MAP9: variants seen among roughly 807,000 people sequenced by gnomAD.
The protein encoded by MAP9 is microtubule-associated protein 9.
MAP9 carries 80 observed loss-of-function variants against 75.2 expected under a neutral mutation model. The ratio of observed to expected loss-of-function variants is 1.06; its 90% CI spans 0.89 to 1.28. MAP9 has a LOEUF of 1.28. Among genes scored for constraint, MAP9 ranks in the 50% most tolerant of loss-of-function variants. The pLI is 0.00. For synonymous variants in MAP9, 235 were observed against 237.3 expected, an observed-to-expected ratio of 0.99 and a Z score of 0.09; for missense variants, 753 against 719.9, an observed-to-expected ratio of 1.05 and a Z score of -0.53.
intron 7 of MAP9, among the ~76,000 whole-genome samples, chr4:155,357,958 G>A (rs757338342): frequency 2.6e-5 from 4 of 152,190 alleles, no homozygotes; most frequent in Non-Finnish European, 4.4e-5. Context: ...GGTGAATGGA[G>A]CTGAAGCATA....
chr4:155,365,334 G>A (rs974802931), intron 5 of MAP9, among the ~76,000 whole-genome samples: 1 of 152,104 alleles, frequency 6.6e-6, no homozygotes, highest in East Asian at 1.9e-4. Context: ...AATAATAAAT[G>A]TGTATGTGCC....
rs1731160427 is a variant in MAP9 at position 155,342,778 on chromosome 4, C to G, written c.*5005G>C. Reference sequence around the variant, plus strand: ...GCAAGGTTAATCCTGTATGTGAAAACCTCTGAGTGACTATCTCAAAGTGTA... The same window carrying G: ...GCAAGGTTAATCCTGTATGTGAAAAGCTCTGAGTGACTATCTCAAAGTGTA... On this transcript the variant is annotated 3_prime_UTR_variant, in exon 14 of 14. Coordinates refer to ENST00000311277, the MANE Select transcript of MAP9 (RefSeq NM_001039580.2). The G allele has an allele frequency of 1.3e-5, 2 of 151,796 alleles. No homozygotes were observed. The highest frequency in any genetic ancestry group is 3.9e-4 in the East Asian group (2 of 5,182). 9.4% of individuals were successfully genotyped at this position (151,796 alleles called of 1,614,324 possible).
Position 155,343,523 on chromosome 4 carries a change from C to A in MAP9, c.*4260G>T, listed in dbSNP as rs1731184347. The A allele has an allele frequency of 6.6e-6, 1 of 151,060 alleles. No individual in the cohort carries two copies. The highest frequency in any genetic ancestry group is 6.6e-5 in the Admixed American group (1 of 15,108). The allele number at this position is 151,060 out of a possible 1,614,324, so 9.4% of individuals were successfully genotyped here. On this transcript the variant is annotated 3_prime_UTR_variant, in exon 14 of 14. Coordinates refer to ENST00000311277, the MANE Select transcript of MAP9 (RefSeq NM_001039580.2). ...TGTAGTAAAACATCAGTTTTATATC[C>A]AAATTTTTAGTCATTTATAATAAAA...
intron 10 of MAP9, among the ~76,000 whole-genome samples, chr4:155,354,550 G>A (rs777863134): frequency 2.3e-4 from 32 of 136,536 alleles, no homozygotes; most frequent in Non-Finnish European, 3.9e-4. Flanking sequence ...TGCAACCTCC[G>A]CCTCCCGGGT....
At chr4:155,365,850 TA>T (rs1375323704) in intron 5 of MAP9, among the ~76,000 whole-genome samples, 3 of 151,878 alleles carry the variant, frequency 2.0e-5, no homozygotes, top group East Asian at 3.9e-4. Flanking sequence ...ATTTTTCAAC[TA>T]AAAAAATAAA....
intron 4 of MAP9, among the ~76,000 whole-genome samples, chr4:155,372,120 G>C (rs1158919785): frequency 6.6e-6 from 1 of 152,082 alleles, no homozygotes; most frequent in Non-Finnish European, 1.5e-5. Flanking sequence ...CAGTGTCCTG[G>C]ATATTATTCT....
In MAP9 at chr4:155,353,322, C is replaced by T; in HGVS notation, c.1399G>A (p.Glu467Lys). ...QNEQKKAAKREEALASFEAWK... is the reference protein window; with the variant it reads ...QNEQKKAAKRKEALASFEAWK... Reference sequence around the variant, plus strand: ...GCCTCAAATGATGCTAATGCTTCTTCTCTTTTAGCAGCTTTTTTCTACAGT... The same window carrying T: ...GCCTCAAATGATGCTAATGCTTCTTTTCTTTTAGCAGCTTTTTTCTACAGT... The change falls in exon 11 of 14, where the codon GAA becomes AAA. Residue 467 changes from glutamate to lysine, a missense_variant. Physicochemically the swap from Glu to Lys is moderately conservative, Grantham distance 56. Transcript: ENST00000311277. The T allele has an allele frequency of 1.3e-6, 2 of 1,570,460 alleles. No individual in the cohort carries two copies. Among genetic ancestry groups the T allele is most frequent in the South Asian group, 2.5e-5 (2 of 81,448 alleles).
chr4:155,367,860 C>T (rs566466781), intron 5 of MAP9, among the ~76,000 whole-genome samples: 59 of 152,344 alleles, frequency 3.9e-4, no homozygotes, highest in African/African-American at 1.3e-3. Context: ...TGCAGACAAG[C>T]GATGAGAAAA....
At chr4:155,366,748 C>T (rs943513544) in intron 5 of MAP9, among the ~76,000 whole-genome samples, 1 of 152,076 alleles carries the variant, frequency 6.6e-6, no homozygotes, top group African/African-American at 2.4e-5. Context: ...ACACAATTAC[C>T]AAACTGGCAA....
At position 155,368,793 on chromosome 4, in the gene MAP9, G is replaced by A; in HGVS notation, c.501C>T (p.Asp167=). The A allele has an allele frequency of 1.9e-6, 3 of 1,607,130 alleles. No homozygotes were observed. Among genetic ancestry groups the A allele is most frequent in the Non-Finnish European group, 2.5e-6 (3 of 1,177,402 alleles). ...GTGATGGTTTAAAGTGATCATCTGT[G>A]TCAAGGCTGTTGTTTTCTGCTGAAA... The part of the protein sequence containing the change: ...STSSAENNSL[D]TDDHFKPSPR... The change falls in exon 5 of 14, where the codon GAC becomes GAT. Residue 167 remains aspartate, a synonymous_variant. Transcript: ENST00000311277.
intron 2 of MAP9, among the ~76,000 whole-genome samples, chr4:155,375,512 GTT>G (rs908519120): frequency 1.3e-5 from 2 of 151,948 alleles, no homozygotes; most frequent in African/African-American, 4.8e-5. Flanking sequence ...AGAAAAAAAA[GTT>G]TTTATATAAA....
At chr4:155,363,707 A>G (rs1300784244) in intron 5 of MAP9, among the ~76,000 whole-genome samples, 1 of 152,170 alleles carries the variant, frequency 6.6e-6, no homozygotes, top group African/African-American at 2.4e-5. Context: ...CTGGGCCATT[A>G]AAACAAAACA....
Position 155,373,176 on chromosome 4 carries a change from T to C in MAP9, c.441A>G (p.Lys147=), listed in dbSNP as rs1392980078. 6.3e-7 allele frequency: 1 copy of C among 1,590,926 alleles called. No homozygotes were observed. Among genetic ancestry groups the C allele is most frequent in the African/African-American group, 1.4e-5 (1 of 73,902 alleles). The change falls in exon 4 of 14, where the codon AAA becomes AAG. Residue 147 remains lysine (K), a synonymous_variant. Transcript: ENST00000311277. ...EEFEKDKIKM[K]PKPRILSIKS... ...TAATTGAAAGAATTCTGGGTTTAGGTTTCATTTTTATTTTGTCTTTTTCAA... is the reference window on the plus strand; with the variant it reads ...TAATTGAAAGAATTCTGGGTTTAGGCTTCATTTTTATTTTGTCTTTTTCAA...
rs1731255123 is a variant in MAP9, at chr4:155,345,557, T to A, written c.*2226A>T. 1 of 152,070 alleles carries A rather than the reference T, an allele frequency of 6.6e-6. No individual in the cohort carries two copies. The highest frequency in any genetic ancestry group is 2.4e-5 in the African/African-American group (1 of 41,420). The allele number at this position is 152,070 out of a possible 1,614,324, so 9.4% of individuals were successfully genotyped here. ...TGTCAAATAACCATTATCAACCCTA[T>A]CTATGTTAATGTTCGCACACTCATG... On this transcript the variant is annotated 3_prime_UTR_variant, in exon 14 of 14. Transcript: ENST00000311277.
At chr4:155,366,231 T>G (rs148499374) in intron 5 of MAP9, among the ~76,000 whole-genome samples, 1 of 151,708 alleles carries the variant, frequency 6.6e-6, no homozygotes, top group Non-Finnish European at 1.5e-5. Flanking sequence ...TGGTGGTGGG[T>G]GCCTGTAGTC....
chr4:155,350,240 C>G (rs1186852659), intron 13 of MAP9: 1 of 453,796 alleles, frequency 2.2e-6, no homozygotes, highest in African/African-American at 2.0e-5. Flanking sequence ...TCTATTCTAT[C>G]TGCAAACAAA....
chr4:155,348,257 A>G (rs1731357155), intron 13 of MAP9, among the ~76,000 whole-genome samples: 1 of 152,070 alleles, frequency 6.6e-6, no homozygotes, highest in South Asian at 2.1e-4. Context: ...GGATTGCTTG[A>G]GCCTGGGAGG....
At position 155,360,344 on chromosome 4, in the gene MAP9, CT is replaced by C. The variant is rs1316477770; in HGVS notation, c.873del (p.Ala292GlnfsTer4). 6.2e-7 allele frequency: 1 copy of C among 1,612,724 alleles called. No homozygotes were observed. The highest frequency in any genetic ancestry group is 1.3e-5 in the African/African-American group (1 of 74,962). On this transcript the variant is annotated frameshift_variant, in exon 7 of 14. Coordinates refer to ENST00000311277, the MANE Select transcript of MAP9 (RefSeq NM_001039580.2). LOFTEE classifies it high-confidence loss of function. ...KSDENKENSFSADHVTTAVEK... is the reference protein window; with the variant it reads ...KSDENKENSFXADHVTTAVEK... ...TCAACTGCAGTAGTCACATGGTCTG[CT>C]GAAAATGAATTCTCTTTATTTTCAT... is the stretch of plus-strand genomic sequence containing the variant.
intron 9 of MAP9, 137 bp downstream of exon 9, chr4:155,355,579 A>T: frequency 1.7e-6 from 1 of 597,114 alleles, no homozygotes; most frequent in Non-Finnish European, 2.6e-6. Context: ...TTACTCATGT[A>T]TTAAAAGGAA....
Sources: gnomAD v4.1 joint callset for allele counts (sites outside exome capture counted in the v4.1 genomes callset) on GRCh38, gnomAD v4.1.1 for gene constraint, MANE v1.5 for transcripts, NCBI Gene and HGNC (gene_info 2026-07-23, HGNC 2026-07-21) for gene names.